The following LARGE1 variants were observed in gnomAD, a reference collection of about 807,000 sequenced individuals.
LARGE1 encodes the protein LARGE xylosyl- and glucuronyltransferase 1.
Under a neutral mutation model 87.6 loss-of-function variants are expected in LARGE1, and 43 were observed. The ratio of observed to expected loss-of-function variants is 0.49; its 90% CI spans 0.38 to 0.63. The LOEUF is 0.63. Ranked by LOEUF, LARGE1 falls within the 30% of genes least tolerant of loss-of-function variation. The pLI is 0.00. For missense variants in LARGE1, 802 were observed against 1,000.2 expected (o/e 0.80, Z 2.67); for synonymous variants, 434 against 394.6 (o/e 1.10, Z -1.18).
At chr22:33,183,620 GCACACACA>G (rs56262703) in intron 11 of LARGE1, among the ~76,000 whole-genome samples, 26 of 137,828 alleles carry the variant, frequency 1.9e-4, no homozygotes, top group African/African-American at 4.7e-4. Context: ...ACACACACAC[GCACACACA>G]CACACACACA....
chr22:33,441,975 C>G (rs2067496451), intron 6 of LARGE1, among the ~76,000 whole-genome samples: 1 of 152,156 alleles, frequency 6.6e-6, no homozygotes, highest in Non-Finnish European at 1.5e-5. Context: ...ATTCATCACT[C>G]AGCCCTCCTT....
chr22:33,683,949 A>G (rs559532965), intron 2 of LARGE1, among the ~76,000 whole-genome samples: 52 of 152,276 alleles, frequency 3.4e-4, no homozygotes, highest in African/African-American at 1.3e-3. Flanking sequence ...CAGCAATCTC[A>G]GCATCACCAG....
intron 13 of LARGE1, among the ~76,000 whole-genome samples, chr22:33,278,964 C>T (rs778288639): frequency 3.9e-5 from 6 of 152,156 alleles, no homozygotes; most frequent in South Asian, 2.1e-4. Flanking sequence ...ATGATCCGCC[C>T]GTCTTGGCCT....
intron 2 of LARGE1, among the ~76,000 whole-genome samples, chr22:33,712,637 AGTGTGTGTGTGTGTGT>A (rs34754283): frequency 2.3e-4 from 31 of 134,738 alleles, no homozygotes; most frequent in South Asian, 7.9e-4. Flanking sequence ...TGAGGGGTAC[AGTGTGTGTGTGTGTGT>A]GTGTGTGTGT....
chr22:33,431,835 T>A (rs182928126), intron 7 of LARGE1, among the ~76,000 whole-genome samples: 16 of 152,276 alleles, frequency 1.1e-4, no homozygotes, highest in Admixed American at 3.3e-4. Context: ...GGGTTGTTAC[T>A]GAAGAATGAT....
intron 1 of LARGE1, among the ~76,000 whole-genome samples, chr22:33,813,244 TC>T (rs1167328984): frequency 2.5e-5 from 3 of 121,412 alleles, no homozygotes; most frequent in Non-Finnish European, 5.1e-5. Flanking sequence ...AGAGCAAAAC[TC>T]CGTCTCAAGA....
Position 33,461,654 on chromosome 22 carries a change from T to A in LARGE1, c.788-29389A>T, listed in dbSNP as rs559804510. Among the ~76,000 whole-genome samples, 808 of 94,808 alleles carry A rather than the reference T, an allele frequency of 8.5e-3. 3 individuals carry two copies. Among genetic ancestry groups the A allele is most frequent in the African/African-American group, 0.026 (663 of 25,060 alleles). 62.2% of individuals were successfully genotyped at this position (94,808 alleles called of 152,430 possible). A position where few individuals can be genotyped will look rare whatever the true frequency, so the allele number is the denominator to read the frequency against. On this transcript the variant is annotated intron_variant, in intron 6 of 14. Coordinates refer to ENST00000397394, the MANE Select transcript of LARGE1 (RefSeq NM_133642.5). ...GTACCCTAGAACTTAAAGTATAATT[T>A]AAAAAAAAAAAGAAAAAAGAAAAAA...
chr22:33,771,835 AT>A (rs981503559), intron 1 of LARGE1, among the ~76,000 whole-genome samples: 3 of 152,332 alleles, frequency 2.0e-5, no homozygotes, highest in Admixed American at 6.5e-5. Context: ...CAAGCCACAT[AT>A]TATGGGAGCC....
intron 6 of LARGE1, among the ~76,000 whole-genome samples, chr22:33,502,843 C>T (rs969137567): frequency 6.6e-6 from 1 of 152,130 alleles, no homozygotes; most frequent in Admixed American, 6.6e-5. Flanking sequence ...CATGCTTTTA[C>T]GGTGCACAGC....
the LARGE1 span, chr22:33,110,522 T>C: frequency 6.6e-6 from 1 of 152,252 alleles, no homozygotes; most frequent in African/African-American, 2.4e-5. Context: ...AAGAAGCTTG[T>C]GCGTGACACT....
At chr22:33,409,860 CAAAA>C (rs35645500) in intron 7 of LARGE1, among the ~76,000 whole-genome samples, 2 of 63,090 alleles carry the variant, frequency 3.2e-5, no homozygotes, top group African/African-American at 5.9e-5. Context: ...GACTCCATCT[CAAAA>C]AAAAAAAAAA....
At chr22:33,399,821 T>C (rs2065878286) in intron 7 of LARGE1, among the ~76,000 whole-genome samples, 1 of 152,214 alleles carries the variant, frequency 6.6e-6, no homozygotes, top group Admixed American at 6.5e-5. Flanking sequence ...GTGCTGGGAT[T>C]AGAGGCGTGA....
chr22:33,914,087 T>C (rs2065715263), intron 1 of LARGE1, among the ~76,000 whole-genome samples: 3 of 152,158 alleles, frequency 2.0e-5, no homozygotes, highest in Admixed American at 2.0e-4. Context: ...CCACTTGGCT[T>C]CAACTCCCAA....
At chr22:33,158,552 A>G (rs1921933308), downstream of LARGE1, among the ~76,000 whole-genome samples, 1 of 152,182 alleles carries the variant, frequency 6.6e-6, no homozygotes, top group African/African-American at 2.4e-5. Context: ...AATGACCAGA[A>G]GCATATTTAT....
At chr22:33,608,419 ATCT>A (rs879492798) in intron 4 of LARGE1, among the ~76,000 whole-genome samples, 12 of 152,184 alleles carry the variant, frequency 7.9e-5, no homozygotes, top group Admixed American at 6.5e-4. Context: ...CCTCCTGGAA[ATCT>A]TCTTTGAGCA....
intron 11 of LARGE1, among the ~76,000 whole-genome samples, chr22:33,261,309 G>A (rs756930952): frequency 3.0e-4 from 45 of 152,162 alleles, no homozygotes; most frequent in South Asian, 6.2e-4. Context: ...CTATCTTTAC[G>A]GAAGCTTTGC....
At chr22:33,511,818 C>G (rs1045198109) in intron 6 of LARGE1, among the ~76,000 whole-genome samples, 3 of 152,190 alleles carry the variant, frequency 2.0e-5, no homozygotes, top group African/African-American at 7.2e-5. Context: ...CTACTTAGTA[C>G]CCAGCCTTTC....
intron 2 of LARGE1, among the ~76,000 whole-genome samples, chr22:33,692,446 G>C (rs1363070978): frequency 9.2e-5 from 14 of 152,204 alleles, no homozygotes; most frequent in Non-Finnish European, 2.1e-4. Context: ...GAGTAGATGG[G>C]AGTACAGGCA....
At chr22:33,082,705 G>A in the LARGE1 span, among the ~76,000 whole-genome samples, 2 of 152,184 alleles carry the variant, frequency 1.3e-5, no homozygotes, top group East Asian at 1.9e-4. Flanking sequence ...CCACAATGAA[G>A]GAGAGATAGT....
Sources: gnomAD v4.1 joint callset for allele counts (sites outside exome capture counted in the v4.1 genomes callset) on GRCh38, gnomAD v4.1.1 for gene constraint, MANE v1.5 for transcripts, NCBI Gene and HGNC (gene_info 2026-07-23, HGNC 2026-07-21) for gene names.